The following C2CD3 variants were observed in gnomAD, a reference collection of about 807,000 sequenced individuals.
C2CD3 encodes C2 domain-containing protein 3.
In C2CD3, 148 loss-of-function variants were observed where a neutral mutation model predicts 234.0. The ratio of observed to expected loss-of-function variants is 0.63; its 90% confidence interval spans 0.55 to 0.72. The LOEUF is 0.72. Ranked by LOEUF, C2CD3 falls within the 30% of genes least tolerant of loss-of-function variation. The pLI is 0.00. For synonymous variants in C2CD3, 1,000 were observed against 1,035.4 expected (o/e 0.97, Z 0.66); for missense variants, 2,577 against 2,811.5 (o/e 0.92, Z 1.89).
At chr11:74,068,258 C>T (rs373167994) in intron 24 of C2CD3, among the ~76,000 whole-genome samples, 5 of 152,178 alleles carry the variant, frequency 3.3e-5, no homozygotes, top group Admixed American at 6.5e-5. Flanking sequence ...TTTCCTTTTT[C>T]GGTCTTAAGC....
intron 3 of C2CD3, among the ~76,000 whole-genome samples, chr11:74,151,637 A>C (rs1855669590): frequency 6.6e-6 from 1 of 152,156 alleles, no homozygotes; most frequent in African/African-American, 2.4e-5. Context: ...GACAACACTC[A>C]TTAAAGGGGG....
chr11:74,170,400 T>G (rs112926058), intron 1 of C2CD3, among the ~76,000 whole-genome samples: 88 of 152,328 alleles, frequency 5.8e-4, no homozygotes, highest in African/African-American at 2.0e-3. Flanking sequence ...CCAATTTATG[T>G]TTCTTCCTGT....
intron 24 of C2CD3, among the ~76,000 whole-genome samples, chr11:74,057,770 A>G (rs1002664940): frequency 2.6e-5 from 4 of 152,106 alleles, no homozygotes; most frequent in Non-Finnish European, 5.9e-5. Context: ...CAGAAATTCA[A>G]GACCAGCCTG....
intron 32 of C2CD3, among the ~76,000 whole-genome samples, chr11:74,022,624 T>G (rs760288561): frequency 2.6e-5 from 4 of 151,886 alleles, no homozygotes; most frequent in Non-Finnish European, 2.9e-5. Flanking sequence ...GCCGTTCTCA[T>G]CGTCAACCTC....
intron 26 of C2CD3, among the ~76,000 whole-genome samples, chr11:74,050,462 C>A (rs772390437): frequency 6.6e-6 from 1 of 152,182 alleles, no homozygotes; most frequent in African/African-American, 2.4e-5. Context: ...ACTTATTCCT[C>A]ATTTCTGACA....
intron 3 of C2CD3, among the ~76,000 whole-genome samples, chr11:74,141,897 T>C (rs1958060579): frequency 6.6e-6 from 1 of 151,784 alleles, no homozygotes; most frequent in South Asian, 2.1e-4. Context: ...AGCTACTCGC[T>C]AGGCTGAGGC....
chr11:74,095,519 A>C, intron 16 of C2CD3, 111 bp from the exon 17 acceptor site: 1 of 734,322 alleles, frequency 1.4e-6, no homozygotes, highest in Non-Finnish European at 2.1e-6. Flanking sequence ...TAATTAGTTG[A>C]TACTAAAATA....
At chr11:74,116,987 C>CATATACGTGTATATATATACACAT (rs1956987011) in intron 9 of C2CD3, among the ~76,000 whole-genome samples, 1 of 73,186 alleles carries the variant, frequency 1.4e-5, no homozygotes, top group Non-Finnish European at 2.9e-5. Context: ...TATATATACA[C>CATATACGTGTATATATATACACAT]ATATACGTGT....
chr11:74,045,796 C>T (rs901300808), intron 28 of C2CD3, among the ~76,000 whole-genome samples: 8 of 152,094 alleles, frequency 5.3e-5, no homozygotes, highest in African/African-American at 1.9e-4. Flanking sequence ...TGGTCTCGAA[C>T]TCCTGAGCTC....
chr11:74,125,397 T>C (rs1957377160), intron 7 of C2CD3, among the ~76,000 whole-genome samples: 1 of 152,130 alleles, frequency 6.6e-6, no homozygotes, highest in African/African-American at 2.4e-5. Flanking sequence ...AACTAAACGA[T>C]CTGACATAGC....
intron 8 of C2CD3, among the ~76,000 whole-genome samples, chr11:74,120,607 T>C (rs1014577893): frequency 1.1e-4 from 16 of 152,244 alleles, no homozygotes; most frequent in African/African-American, 2.9e-4. Flanking sequence ...TGTGTCTTTA[T>C]GGTAGCATGA....
chr11:74,058,864 T>C (rs1954080673), intron 24 of C2CD3, among the ~76,000 whole-genome samples: 1 of 152,122 alleles, frequency 6.6e-6, no homozygotes, highest in Non-Finnish European at 1.5e-5. Context: ...AAAAATTTAC[T>C]TCCTTGGTTG....
chr11:74,071,007 A>G (rs895556712), intron 24 of C2CD3: 2 of 152,098 alleles, frequency 1.3e-5, no homozygotes, highest in Non-Finnish European at 2.9e-5. Flanking sequence ...TGTGTTCTCA[A>G]AGTTTTCCTA....
intron 11 of C2CD3, among the ~76,000 whole-genome samples, chr11:74,112,542 T>C (rs1245885718): frequency 6.6e-6 from 1 of 152,082 alleles, no homozygotes; most frequent in African/African-American, 2.4e-5. Flanking sequence ...GAGAAAATAT[T>C]TGCAAATCAT....
chr11:74,139,012 A>T, intron 4 of C2CD3, 45 bp from the exon 5 acceptor site: 2 of 1,501,988 alleles, frequency 1.3e-6, no homozygotes, highest in South Asian at 2.5e-5. Flanking sequence ...ATAATCTATT[A>T]TGGTAACATT....
chr11:74,110,886 A>T (rs986757246), intron 11 of C2CD3, among the ~76,000 whole-genome samples: 25 of 152,220 alleles, frequency 1.6e-4, no homozygotes, highest in African/African-American at 6.0e-4. Flanking sequence ...CACAGGTAAG[A>T]AAGTGATTTT....
chr11:74,169,594 G>T (rs759293644), intron 1 of C2CD3, among the ~76,000 whole-genome samples: 60 of 152,190 alleles, frequency 3.9e-4, no homozygotes, highest in Non-Finnish European at 8.5e-4. Flanking sequence ...AATCCTTATG[G>T]ATAGTTTCAA....
intron 8 of C2CD3, among the ~76,000 whole-genome samples, 177 bp from the exon 9 acceptor site, chr11:74,118,559 G>T (rs540380161): frequency 6.6e-6 from 1 of 152,240 alleles, no homozygotes; most frequent in Non-Finnish European, 1.5e-5. Flanking sequence ...ATAATCTGAA[G>T]TTCACAAAAA....
At chr11:74,122,184 C>G (rs1018437410) in intron 8 of C2CD3, among the ~76,000 whole-genome samples, 2 of 152,230 alleles carry the variant, frequency 1.3e-5, no homozygotes, top group Non-Finnish European at 2.9e-5. Flanking sequence ...TTTTTCTGCA[C>G]AGGTCATTCT....
Sources: allele counts gnomAD v4.1 joint callset (sites outside exome capture counted in the v4.1 genomes callset), GRCh38; gene constraint gnomAD v4.1.1; transcripts MANE v1.5; gene names NCBI Gene and HGNC (gene_info 2026-07-23, HGNC 2026-07-21).